The following FAM171B variants were observed in gnomAD, a reference collection of about 807,000 sequenced individuals.
FAM171B encodes protein FAM171B.
A neutral mutation model predicts 75.6 loss-of-function variants in FAM171B; 19 were observed. The observed-to-expected ratio is 0.25, with a 90% CI of 0.18 to 0.37. The LOEUF is 0.37. Ranked by LOEUF, FAM171B falls within the 10% of genes least tolerant of loss-of-function variation. The pLI is 1.00. For missense variants in FAM171B, 848 were observed against 982.4 expected (o/e 0.86, Z 1.83); for synonymous variants, 367 against 361.7 (o/e 1.01, Z -0.17).
chr2:186,700,550 T>C (rs545213859), intron 1 of FAM171B, among the ~76,000 whole-genome samples: 1 of 152,332 alleles, frequency 6.6e-6, no homozygotes, highest in East Asian at 1.9e-4. Flanking sequence ...ACAGATTTTA[T>C]TCATTTTGTA....
At chr2:186,697,016 A>G (rs1321683454) in intron 1 of FAM171B, among the ~76,000 whole-genome samples, 1 of 151,940 alleles carries the variant, frequency 6.6e-6, no homozygotes, top group Non-Finnish European at 1.5e-5. Flanking sequence ...GGATGGATGG[A>G]TGGATGGATG....
In FAM171B at chr2:186,761,769, A is replaced by T. The variant is rs1258174921; in HGVS notation, c.1427A>T (p.Asn476Ile). 6.2e-7 allele frequency: 1 copy of T among 1,613,308 alleles called. No homozygotes were observed. Among genetic ancestry groups the T allele is most frequent in the Non-Finnish European group, 8.5e-7 (1 of 1,179,722 alleles). The change falls in exon 8 of 8, where the codon AAT becomes ATT. Residue 476 changes from asparagine to isoleucine, a missense_variant. By Grantham distance (149) the Asn-to-Ile change is moderately radical. This residue lies in a region of FAM171B where 665 missense variants were observed against 729.0 expected (regional missense o/e 0.91). Transcript: ENST00000304698. ...DVSFLSVNQNNYSRNPTQSLE... is the reference protein window; with the variant it reads ...DVSFLSVNQNIYSRNPTQSLE... ...TCATTTCTATCAGTCAATCAAAATA[A>T]TTACTCAAGAAACCCAACACAGTCT...
At chr2:186,721,029 T>C (rs1689946042) in intron 1 of FAM171B, among the ~76,000 whole-genome samples, 1 of 152,186 alleles carries the variant, frequency 6.6e-6, no homozygotes, top group Non-Finnish European at 1.5e-5. Flanking sequence ...GCAATTTCAA[T>C]TCTTACTGTT....
intron 1 of FAM171B, among the ~76,000 whole-genome samples, chr2:186,731,272 G>C (rs1443801111): frequency 1.3e-5 from 2 of 152,160 alleles, no homozygotes; most frequent in Non-Finnish European, 2.9e-5. Context: ...GGGCTTTCTA[G>C]GAAAGATTAT....
At chr2:186,753,604 G>A (rs955718626) in intron 5 of FAM171B, among the ~76,000 whole-genome samples, 3 of 151,980 alleles carry the variant, frequency 2.0e-5, no homozygotes, top group Admixed American at 1.3e-4. Context: ...TAATAGAGAC[G>A]GGGTTTCACC....
chr2:186,747,235 A>G lies in FAM171B; in HGVS notation c.709A>G (p.Thr237Ala). ...CAATTTTCTGCATACAACTGGAATT[A>G]CTCTCAATAAACCAGGTATTATCTA... is the stretch of plus-strand genomic sequence containing the variant. ...VDNFLHTTGI[T>A]LNKPGFENIE... Residue 237 changes from threonine to alanine, a missense_variant, in exon 4 of 8, where the codon ACT (threonine) becomes GCT (alanine). Transcript: ENST00000304698. The G allele has an allele frequency of 1.3e-6, 2 of 1,595,980 alleles. No individual in the cohort carries two copies. Among genetic ancestry groups the G allele is most frequent in the East Asian group, 2.3e-5 (1 of 44,378 alleles).
In FAM171B at chr2:186,762,694, C is replaced by T. The variant is rs1574116327; in HGVS notation, c.2352C>T (p.Ser784=). Residue 784 remains serine (S), a synonymous_variant, in exon 8 of 8, where the codon AGC becomes AGT. Coordinates refer to ENST00000304698, the MANE Select transcript of FAM171B (RefSeq NM_177454.4). This position sits in a 1 kb window ranked among gnomAD's most constrained non-coding sequence, Gnocchi z 4.0. ...HPGEESPGRK[S]TVEDFEANTS... Reference sequence around the variant, plus strand: ...GAGAAGAGTCGCCAGGAAGGAAAAGCACTGTTGAAGATTTTGAAGCTAATA... The same window carrying T: ...GAGAAGAGTCGCCAGGAAGGAAAAGTACTGTTGAAGATTTTGAAGCTAATA... The T allele has an allele frequency of 1.1e-5, 17 of 1,612,808 alleles. No homozygotes were observed. The highest frequency in any genetic ancestry group is 1.7e-5 in the Admixed American group (1 of 59,768).
At position 186,765,205 on chromosome 2, in the gene FAM171B, A is replaced by G. The variant is rs1381716391; in HGVS notation, c.*2382A>G. The G allele has an allele frequency of 2.6e-5, 4 of 152,064 alleles. No homozygotes were observed. Among genetic ancestry groups the G allele is most frequent in the African/African-American group, 9.6e-5 (4 of 41,456 alleles). The allele number at this position is 152,064 out of a possible 1,614,324, so 9.4% of individuals were successfully genotyped here. Reference sequence around the variant, plus strand: ...TTTCTTAACCCAAGTGATAATAAACAATATTCACAACTTTCTTAAATTTTT... The same window carrying G: ...TTTCTTAACCCAAGTGATAATAAACGATATTCACAACTTTCTTAAATTTTT... On this transcript the variant is annotated 3_prime_UTR_variant, in exon 8 of 8. Coordinates refer to ENST00000304698, the MANE Select transcript of FAM171B (RefSeq NM_177454.4).
intron 1 of FAM171B, among the ~76,000 whole-genome samples, chr2:186,699,018 CCACTATCTGTTAATGGA>C (rs1689618805): frequency 6.6e-6 from 1 of 152,126 alleles, no homozygotes; most frequent in Non-Finnish European, 1.5e-5. Context: ...TTTGCTTTAT[CCACTATCTGTTAATGGA>C]CACTTAGGTT....
rs571961624 is a variant in FAM171B, at chr2:186,725,254, G to C, written c.239-14974G>C. Among the ~76,000 whole-genome samples the C allele has an allele frequency of 2.7e-4, 41 of 151,082 alleles. No homozygotes were observed. In the South Asian group the frequency reaches 7.1e-3, roughly 26 times the overall value. The stretch of plus-strand genomic sequence containing the variant: ...AGCTACTTGGGAGGCTGAAGCAGGA[G>C]AATGGTGTTAACCCGGGAGGCGGAG... On this transcript the variant is annotated intron_variant, in intron 1 of 7. Transcript: ENST00000304698.
intron 1 of FAM171B, among the ~76,000 whole-genome samples, chr2:186,721,423 AT>A (rs758724996): frequency 2.6e-5 from 4 of 152,336 alleles, no homozygotes; most frequent in South Asian, 4.1e-4. Flanking sequence ...TCAACATTTC[AT>A]TTATTCAAGC....
At chr2:186,705,565 TC>T (rs1689722646) in intron 1 of FAM171B, among the ~76,000 whole-genome samples, 1 of 152,060 alleles carries the variant, frequency 6.6e-6, no homozygotes, top group African/African-American at 2.4e-5. Flanking sequence ...CTGAAAGGGG[TC>T]AGAAAACCTA....
chr2:186,747,773 T>C (rs1688081443), intron 4 of FAM171B, among the ~76,000 whole-genome samples: 2 of 151,024 alleles, frequency 1.3e-5, no homozygotes, highest in East Asian at 1.9e-4. Flanking sequence ...ACAGCACTCA[T>C]ATATTTCTAT....
intron 1 of FAM171B, among the ~76,000 whole-genome samples, chr2:186,700,728 T>C (rs531602571): frequency 3.0e-4 from 46 of 152,326 alleles, no homozygotes; most frequent in African/African-American, 1.0e-3. Context: ...TATGTTTTCA[T>C]ATCTGTTGGA....
Position 186,694,177 on chromosome 2 carries a change from G to A in FAM171B, c.4G>A (p.Ala2Thr). The A allele has an allele frequency of 6.3e-7, 1 of 1,596,134 alleles. No homozygotes were observed. The highest frequency in any genetic ancestry group is 8.5e-7 in the Non-Finnish European group (1 of 1,176,682). Residue 2 changes from alanine (A) to threonine (T), a missense_variant, in exon 1 of 8, where the codon GCG (alanine) becomes ACG (threonine). Around this residue, in one of 3 missense-constraint regions of FAM171B, gnomAD observed 665 missense variants for 729.0 expected, o/e 0.91. Coordinates refer to ENST00000304698, the MANE Select transcript of FAM171B (RefSeq NM_177454.4). M[A>T]RLCRRVPCTL... Reference sequence around the variant, plus strand: ...CGCGGCCCTCTGGCTCTAGGCCATGGCGAGGCTCTGCCGGCGTGTCCCCTG... The same window carrying A: ...CGCGGCCCTCTGGCTCTAGGCCATGACGAGGCTCTGCCGGCGTGTCCCCTG...
chr2:186,736,566 G>GT (rs1553511472), intron 1 of FAM171B, among the ~76,000 whole-genome samples: 45,346 of 125,932 alleles, frequency 0.36, 7,213 homozygotes, highest in East Asian at 0.68. Flanking sequence ...GTGTGTGTGT[G>GT]GGAGAGAGAG....
chr2:186,736,747 T>C (rs1690209040), intron 1 of FAM171B, among the ~76,000 whole-genome samples: 1 of 151,246 alleles, frequency 6.6e-6, no homozygotes, highest in South Asian at 2.1e-4. Flanking sequence ...ATGTCTTTGT[T>C]ATGATCCAGA....
At chr2:186,738,240 TTACAGC>T (rs1361120589) in intron 1 of FAM171B, among the ~76,000 whole-genome samples, 1 of 152,174 alleles carries the variant, frequency 6.6e-6, no homozygotes, top group Non-Finnish European at 1.5e-5. Flanking sequence ...GAAGTTAGGG[TTACAGC>T]TTGTTTGTTT....
At position 186,764,852 on chromosome 2, in the gene FAM171B, TTAAG is replaced by T. The variant is rs1305154575; in HGVS notation, c.*2031_*2034del. The T allele has an allele frequency of 6.6e-6, 1 of 151,962 alleles. No individual in the cohort carries two copies. The highest frequency in any genetic ancestry group is 2.4e-5 in the African/African-American group (1 of 41,420). The allele number at this position is 151,962 out of a possible 1,614,324, so 9.4% of individuals were successfully genotyped here. A position where few individuals can be genotyped will look rare whatever the true frequency, so the allele number is the denominator to read the frequency against. On this transcript the variant is annotated 3_prime_UTR_variant, in exon 8 of 8. Transcript: ENST00000304698. ...AAACTATATAGCAAAACATTATATTTTAAGTGTTTATTTTTCCCACCTTTAAATA... is the reference window on the plus strand; with the variant it reads ...AAACTATATAGCAAAACATTATATTTTGTTTATTTTTCCCACCTTTAAATA...
Sources: allele counts gnomAD v4.1 joint callset (sites outside exome capture counted in the v4.1 genomes callset), GRCh38; gene constraint gnomAD v4.1.1; regional missense constraint gnomAD v4.1.1; non-coding constraint Gnocchi (gnomAD v3.1); transcripts MANE v1.5; gene names NCBI Gene and HGNC (gene_info 2026-07-23, HGNC 2026-07-21).